Variants in ANOS1 observed in about 807,000 individuals in gnomAD.
The protein encoded by ANOS1 is anosmin 1.
Under a neutral mutation model 59.0 loss-of-function variants are expected in ANOS1, and 6 were observed. That is an observed-to-expected ratio of 0.10 (90% confidence interval 0.06 to 0.20). ANOS1 has a LOEUF of 0.20. Among genes scored for constraint, ANOS1 ranks in the 10% least tolerant of loss-of-function variants. ANOS1 has a pLI of 1.00. For synonymous variants in ANOS1, 217 were observed against 223.4 expected (o/e 0.97, Z 0.25); for missense variants, 433 against 542.3 (o/e 0.80, Z 2.00).
intron 2 of ANOS1, among the ~76,000 whole-genome samples, chrX:8,668,444 T>TAC (rs1340235904): frequency 5.7e-5 from 5 of 88,080 alleles, no homozygotes; most frequent in Non-Finnish European, 1.1e-4. Flanking sequence ...CACACATACA[T>TAC]ATATATATAT....
rs191168613 is a variant in ANOS1, at chrX:8,720,185, C to G, written c.207+11645G>C. Reference sequence around the variant, plus strand: ...AAGCAAGCATGTCAGGCACACTGAGCTCGTGGAAATGGCTGTCACATACAT... The same window carrying G: ...AAGCAAGCATGTCAGGCACACTGAGGTCGTGGAAATGGCTGTCACATACAT... On this transcript the variant is annotated intron_variant, in intron 1 of 13. Coordinates refer to ENST00000262648, the MANE Select transcript of ANOS1 (RefSeq NM_000216.4). 8.5e-4 allele frequency among the ~76,000 whole-genome samples: 95 copies of G among 111,878 alleles called. 1 individual carries two copies. Among genetic ancestry groups the G allele is most frequent in the African/African-American group, 3.0e-3 (92 of 30,809 alleles).
At chrX:8,552,144 T>C (rs1161073768) in intron 9 of ANOS1, among the ~76,000 whole-genome samples, 4 of 112,145 alleles carry the variant, frequency 3.6e-5, no homozygotes. Flanking sequence ...CAAATAACAA[T>C]GAGGTATCAC....
In ANOS1 at chrX:8,589,033, C is replaced by T. The variant is rs899741443; in HGVS notation, c.542-1055G>A. Among the ~76,000 whole-genome samples, 12 of 112,457 alleles carry T rather than the reference C, an allele frequency of 1.1e-4. No homozygotes were observed. The South Asian group carries it at 2.6e-3, about 24-fold the overall frequency. On this transcript the variant is annotated intron_variant, in intron 4 of 13. Coordinates refer to ENST00000262648, the MANE Select transcript of ANOS1 (RefSeq NM_000216.4). ...TTTGTAAGTTTAAACACAGAAGAAA[C>T]TGGAAAATGTGCAAACACCAAATGC...
In ANOS1 at chrX:8,533,027, G is replaced by A; in HGVS notation, c.2011C>T (p.His671Tyr). The change falls in exon 14 of 14, where the codon CAT becomes TAT. Residue 671 changes from histidine to tyrosine, a missense_variant. His to Tyr is a moderately conservative substitution (Grantham distance 83). Coordinates refer to ENST00000262648, the MANE Select transcript of ANOS1 (RefSeq NM_000216.4). ...CTTTCTGGAGAAGGCTTGTAATGATGTGGATGACGATGCTTAAGATGAGAT... is the reference window on the plus strand; with the variant it reads ...CTTTCTGGAGAAGGCTTGTAATGATATGGATGACGATGCTTAAGATGAGAT... ...HRSHLKHRHP[H>Y]HYKPSPERY The A allele has an allele frequency of 8.5e-7, 1 of 1,170,626 alleles. No individual in the cohort carries two copies. The highest frequency in any genetic ancestry group is 1.8e-5 in the African/African-American group (1 of 57,092).
intron 2 of ANOS1, among the ~76,000 whole-genome samples, chrX:8,697,539 G>A (rs1475387078): frequency 9.0e-6 from 1 of 111,633 alleles, no homozygotes; most frequent in African/African-American, 3.3e-5. Flanking sequence ...GGGAAGAGTG[G>A]TTAGATGAGA....
chrX:8,594,666 A>G (rs1248216137), intron 4 of ANOS1, among the ~76,000 whole-genome samples: 4 of 21,057 alleles, frequency 1.9e-4, no homozygotes, highest in Admixed American at 4.3e-4. Flanking sequence ...GTGTATATAT[A>G]TATATATATA....
At chrX:8,673,288 C>A (rs943840235) in intron 2 of ANOS1, among the ~76,000 whole-genome samples, 2 of 106,732 alleles carry the variant, frequency 1.9e-5, no homozygotes, top group Non-Finnish European at 3.8e-5. Context: ...TAAAATTTAG[C>A]TATTTTCTTT....
chrX:8,666,329 C>G (rs759493549), intron 2 of ANOS1, among the ~76,000 whole-genome samples: 2 of 111,663 alleles, frequency 1.8e-5, no homozygotes, highest in South Asian at 7.5e-4. Flanking sequence ...AAGAATAACA[C>G]GGTTATAGGG....
rs183896764 is a variant in ANOS1, at chrX:8,569,453, T to C, written c.1062+1046A>G. The stretch of plus-strand genomic sequence containing the variant: ...GTCAGGAGATAGAGATCATCCTGGC[T>C]AACATGGTGAAACCCTGTCTCTACT... On this transcript the variant is annotated intron_variant, in intron 7 of 13. Coordinates refer to ENST00000262648, the MANE Select transcript of ANOS1 (RefSeq NM_000216.4). Among the ~76,000 whole-genome samples the C allele has an allele frequency of 3.8e-3, 422 of 111,801 alleles. 3 individuals carry two copies. Among genetic ancestry groups the C allele is most frequent in the East Asian group, 8.5e-3 (30 of 3,528 alleles).
rs991279115 is a variant in ANOS1, at chrX:8,591,323, T to TA, written c.542-3346dup. 1.1e-4 allele frequency among the ~76,000 whole-genome samples: 12 copies of TA among 110,013 alleles called. No homozygotes were observed. In the East Asian group the frequency reaches 1.1e-3, roughly 10 times the overall value. On this transcript the variant is annotated intron_variant, in intron 4 of 13. Transcript: ENST00000262648. Reference sequence around the variant, plus strand: ...ATTTACTTGATTCCTTGGTGCATAGTAAAAAAAAATGATGACCAATTCTTC... The same window carrying TA: ...ATTTACTTGATTCCTTGGTGCATAGTAAAAAAAAAATGATGACCAATTCTTC...
Position 8,668,061 on chromosome X carries a change from G to C in ANOS1, c.255+31637C>G, listed in dbSNP as rs140778068. Among the ~76,000 whole-genome samples, 493 of 109,316 alleles carry C rather than the reference G, an allele frequency of 4.5e-3. 3 individuals are homozygous for C. Among genetic ancestry groups the C allele is most frequent in the Non-Finnish European group, 7.9e-3 (416 of 52,572 alleles). 94.9% of individuals were successfully genotyped at this position (109,316 alleles called of 115,157 possible). ...TTTTTTTTATTTCCATAGGTTATTG[G>C]GGAACAGGTGGTATTTGGTTACATG... is the stretch of plus-strand genomic sequence containing the variant. On this transcript the variant is annotated intron_variant, in intron 2 of 13. Coordinates refer to ENST00000262648, the MANE Select transcript of ANOS1 (RefSeq NM_000216.4).
chrX:8,699,781 G>C, intron 1 of ANOS1, 36 bp from the exon 2 acceptor site: 1 of 1,045,433 alleles, frequency 9.6e-7, no homozygotes, highest in Non-Finnish European at 1.3e-6. Context: ...TGATCCATTA[G>C]AAAGCTACAC....
At chrX:8,629,760 AG>A (rs1931456891) in intron 2 of ANOS1, among the ~76,000 whole-genome samples, 1 of 112,371 alleles carries the variant, frequency 8.9e-6, no homozygotes, top group Non-Finnish European at 1.9e-5. Context: ...AAAGGACAGC[AG>A]AAGAAATGTT....
intron 3 of ANOS1, among the ~76,000 whole-genome samples, chrX:8,598,833 G>A (rs149324540): frequency 8.9e-6 from 1 of 112,417 alleles, no homozygotes; most frequent in East Asian, 2.8e-4. Flanking sequence ...TGGAATGCCT[G>A]TGCATAGCCA....
chrX:8,621,512 GAATA>G (rs980949718), intron 3 of ANOS1, among the ~76,000 whole-genome samples: 1 of 111,689 alleles, frequency 9.0e-6, no homozygotes, highest in Non-Finnish European at 1.9e-5. Flanking sequence ...TAAAAATTCA[GAATA>G]AATAGTTGAT....
intron 6 of ANOS1, among the ~76,000 whole-genome samples, chrX:8,577,786 G>A (rs1183380223): frequency 1.8e-5 from 2 of 111,970 alleles, no homozygotes; most frequent in Non-Finnish European, 3.8e-5. Flanking sequence ...TTGAGCCTAT[G>A]TTGGGTAAAG....
At chrX:8,623,015 GGATGGATGGATGGAT>G (rs1306841926) in intron 3 of ANOS1, among the ~76,000 whole-genome samples, 5 of 99,588 alleles carry the variant, frequency 5.0e-5, no homozygotes, top group Middle Eastern at 4.6e-3. Flanking sequence ...ATGGATAGCT[GGATGGATGGATGGAT>G]GATGGATGGA....
intron 2 of ANOS1, among the ~76,000 whole-genome samples, chrX:8,661,167 G>C (rs1471665844): frequency 9.0e-6 from 1 of 110,880 alleles, no homozygotes; most frequent in Non-Finnish European, 1.9e-5. Flanking sequence ...CTCTGTGTGT[G>C]TCTATGTCCT....
chrX:8,606,815 T>C lies in ANOS1; in HGVS notation c.319-9559A>G, dbSNP rs764972157. The stretch of plus-strand genomic sequence containing the variant: ...TTTTAATGGGCATGTATAGTTTCTA[T>C]TAAAAATAAATAGTATACTTGGCTG... On this transcript the variant is annotated intron_variant, in intron 3 of 13. Transcript: ENST00000262648. Among the ~76,000 whole-genome samples, 25 of 113,001 alleles carry C rather than the reference T, an allele frequency of 2.2e-4. No individual in the cohort carries two copies. In the South Asian group the frequency reaches 9.0e-3, roughly 41 times the overall value.
Sources: gnomAD v4.1 joint callset for allele counts (sites outside exome capture counted in the v4.1 genomes callset) on GRCh38, gnomAD v4.1.1 for gene constraint, MANE v1.5 for transcripts, NCBI Gene and HGNC (gene_info 2026-07-23, HGNC 2026-07-21) for gene names.